The following RFNG variants were observed in gnomAD, a reference collection of about 807,000 sequenced individuals.
RFNG encodes the protein beta-1,3-N-acetylglucosaminyltransferase radical fringe.
RFNG carries 37 observed loss-of-function variants against 29.6 expected under a neutral mutation model. The observed-to-expected ratio is 1.25, with a 90% CI of 0.96 to 1.65. RFNG has a LOEUF of 1.65. RFNG is among the 40% of genes most tolerant of loss of function. RFNG has a pLI of 0.00. For synonymous variants in RFNG, 276 were observed against 197.3 expected (o/e 1.40, Z -3.34); for missense variants, 546 against 457.0 (o/e 1.19, Z -1.78).
rs2030048131 is a variant in RFNG, at chr17:82,048,209, T to C, written c.*517A>G. On this transcript the variant is annotated 3_prime_UTR_variant, in exon 8 of 8. Transcript: ENST00000310496. ...GGGAGCAAAGCTCTGGTCGAGAACA[T>C]GACCTTCCCGGGCCTGAGTCCCACT... 1.2e-5 allele frequency: 2 copies of C among 163,840 alleles called. No homozygotes were observed. Among genetic ancestry groups the C allele is most frequent in the South Asian group, 3.3e-4 (2 of 6,108 alleles). The allele number at this position is 163,840 out of a possible 1,614,324, so 10.1% of individuals were successfully genotyped here.
At position 82,050,693 on chromosome 17, in the gene RFNG, C is replaced by T. The variant is rs756535894; in HGVS notation, c.388G>A (p.Glu130Lys). Residue 130 changes from glutamate (E) to lysine (K), a missense_variant, in exon 3 of 8, where the codon GAG (glutamate) becomes AAG (lysine). By Grantham distance (56) the Glu-to-Lys change is moderately conservative. Coordinates refer to ENST00000310496, the MANE Select transcript of RFNG (RefSeq NM_002917.2). Reference protein sequence around the residue: ...RQALCCKMSVEYDKFIESGRK... With the variant: ...RQALCCKMSVKYDKFIESGRK... ...CCGGACTCAATGAACTTGTCATACTCCACGGACATCTTGCAGCAGAGGGCC... is the reference window on the plus strand; with the variant it reads ...CCGGACTCAATGAACTTGTCATACTTCACGGACATCTTGCAGCAGAGGGCC... The T allele has an allele frequency of 3.7e-6, 6 of 1,613,156 alleles. No individual in the cohort carries two copies. The highest frequency in any genetic ancestry group is 5.1e-6 in the Non-Finnish European group (6 of 1,179,970).
Position 82,051,603 on chromosome 17 carries a change from A to G in RFNG, c.164T>C (p.Leu55Pro), listed in dbSNP as rs1469825762. 14 of 1,232,310 alleles carry G rather than the reference A, an allele frequency of 1.1e-5. No homozygotes were observed. In the South Asian group the frequency reaches 2.5e-4, roughly 22 times the overall value. The allele number at this position is 1,232,310 out of a possible 1,614,324, so 76.3% of individuals were successfully genotyped here. A position where few individuals can be genotyped will look rare whatever the true frequency, so the allele number is the denominator to read the frequency against. Residue 55 changes from leucine (L) to proline (P), a missense_variant, in exon 1 of 8, where the codon CTG (leucine) becomes CCG (proline). Leu to Pro is a moderately conservative substitution (Grantham distance 98). Transcript: ENST00000310496. This position sits in a 1 kb window ranked among gnomAD's most constrained non-coding sequence, Gnocchi z 4.1. ...APPSRPAAPS[L>P]RPDDVFIAVK... ...GGCGATGAAGACGTCGTCAGGCCGC[A>G]GGCTGGGGGCAGCGGGCCGGGACGG...
Position 82,048,525 on chromosome 17 carries a change from T to C in RFNG, c.*201A>G. ...GGCCCTGGCCATCAGCCTGGCTGTC[T>C]TCGTTCTCCCAAAACACCCATCACC... On this transcript the variant is annotated 3_prime_UTR_variant, in exon 8 of 8. Coordinates refer to ENST00000310496, the MANE Select transcript of RFNG (RefSeq NM_002917.2). 1 of 591,652 alleles carries C rather than the reference T, an allele frequency of 1.7e-6. No homozygotes were observed. Among genetic ancestry groups the C allele is most frequent in the Non-Finnish European group, 3.0e-6 (1 of 330,654 alleles). The allele number at this position is 591,652 out of a possible 1,614,324, so 36.7% of individuals were successfully genotyped here.
At position 82,051,786 on chromosome 17, in the gene RFNG, G is replaced by A. The variant is rs1277607281; in HGVS notation, c.-20C>T. ...GCTCATGCGGCCGCCGGGACCCCCG[G>A]CGCTGCGAGCGGAGAACCTGGCCGG... On this transcript the variant is annotated 5_prime_UTR_variant, in exon 1 of 8. Transcript: ENST00000310496. This position sits in a 1 kb window ranked among gnomAD's most constrained non-coding sequence, Gnocchi z 4.1. 2.7e-6 allele frequency: 3 copies of A among 1,118,592 alleles called. No homozygotes were observed. The highest frequency in any genetic ancestry group is 4.3e-5 in the South Asian group (1 of 23,350). 69.3% of individuals were successfully genotyped at this position (1,118,592 alleles called of 1,614,324 possible). A position where few individuals can be genotyped will look rare whatever the true frequency, so the allele number is the denominator to read the frequency against.
At chr17:82,050,121 A>C in intron 4 of RFNG, 115 bp from the exon 5 acceptor site, 2 of 974,824 alleles carry the variant, frequency 2.1e-6, no homozygotes, top group Non-Finnish European at 3.1e-6. Flanking sequence ...CCACCCAGGT[A>C]ACAGAAGCTT....
chr17:82,050,281 G>A, intron 4 of RFNG, 121 bp downstream of exon 4: 1 of 1,204,876 alleles, frequency 8.3e-7, no homozygotes, highest in East Asian at 2.5e-5. Flanking sequence ...CACCTGGGTG[G>A]ATCAGCTTGG....
At position 82,051,192 on chromosome 17, in the gene RFNG, G is replaced by A; in HGVS notation, c.316+102C>T. 1.5e-6 allele frequency: 2 copies of A among 1,308,214 alleles called. No homozygotes were observed. The highest frequency in any genetic ancestry group is 2.6e-5 in the South Asian group (1 of 39,048). 81.0% of individuals were successfully genotyped at this position (1,308,214 alleles called of 1,614,324 possible). On this transcript the variant is annotated intron_variant, in intron 2 of 7. Coordinates refer to ENST00000310496, the MANE Select transcript of RFNG (RefSeq NM_002917.2). The surrounding 1 kb of genome is among the most constrained non-coding windows in gnomAD (Gnocchi z 4.1). ...GGGCCTCCCCGGGCCTCGGGAGCCT[G>A]GGCAGAGAAAGGCACCCACAGCAGC... is the stretch of plus-strand genomic sequence containing the variant.
rs1377801814 is a variant in RFNG, at chr17:82,048,609, T to C, written c.*117A>G. 2 of 792,350 alleles carry C rather than the reference T, an allele frequency of 2.5e-6. No homozygotes were observed. The highest frequency in any genetic ancestry group is 3.4e-5 in the African/African-American group (2 of 58,574). The allele number at this position is 792,350 out of a possible 1,614,324, so 49.1% of individuals were successfully genotyped here. A position where few individuals can be genotyped will look rare whatever the true frequency, so the allele number is the denominator to read the frequency against. On this transcript the variant is annotated 3_prime_UTR_variant, in exon 8 of 8. Transcript: ENST00000310496. ...CAGGCTAGCCAGAGGGTCTGCCAGGTGCCTGCATCTCACTGGTGTGGCCGT... is the reference window on the plus strand; with the variant it reads ...CAGGCTAGCCAGAGGGTCTGCCAGGCGCCTGCATCTCACTGGTGTGGCCGT...
At chr17:82,050,090 T>A in intron 4 of RFNG, 84 bp from the exon 5 acceptor site, 1 of 1,221,248 alleles carries the variant, frequency 8.2e-7, no homozygotes, top group Non-Finnish European at 1.2e-6. Context: ...GCATCTTTCT[T>A]AAGCTGCCCC....
chr17:82,051,132 G>C lies in RFNG; in HGVS notation c.316+162C>G, dbSNP rs2144236799. 5.3e-6 allele frequency: 7 copies of C among 1,321,982 alleles called. No individual in the cohort carries two copies. Among genetic ancestry groups the C allele is most frequent in the Non-Finnish European group, 6.7e-6 (7 of 1,039,578 alleles). 81.9% of individuals were successfully genotyped at this position (1,321,982 alleles called of 1,614,324 possible). On this transcript the variant is annotated intron_variant, in intron 2 of 7. Coordinates refer to ENST00000310496, the MANE Select transcript of RFNG (RefSeq NM_002917.2). This position sits in a 1 kb window ranked among gnomAD's most constrained non-coding sequence, Gnocchi z 4.1. ...GGAGCAGAGCTTGGCTGGCAGGGTG[G>C]GCCCTCCGCAGGCCGCGTGACCTGG... is the stretch of plus-strand genomic sequence containing the variant.
At position 82,050,686 on chromosome 17, in the gene RFNG, T is replaced by G. The variant is rs777028373; in HGVS notation, c.395A>C (p.Asp132Ala). ...ALCCKMSVEY[D>A]KFIESGRKWF... Reference sequence around the variant, plus strand: ...CTTGCGCCCGGACTCAATGAACTTGTCATACTCCACGGACATCTTGCAGCA... The same window carrying G: ...CTTGCGCCCGGACTCAATGAACTTGGCATACTCCACGGACATCTTGCAGCA... The change falls in exon 3 of 8, where the codon GAC (aspartate) becomes GCC (alanine). Residue 132 changes from aspartate to alanine, a missense_variant. Transcript: ENST00000310496. 2.5e-6 allele frequency: 4 copies of G among 1,613,238 alleles called. No individual in the cohort carries two copies. Among genetic ancestry groups the G allele is most frequent in the Non-Finnish European group, 3.4e-6 (4 of 1,179,932 alleles).
At chr17:82,050,326 C>T (rs893830174) in intron 4 of RFNG, 76 bp downstream of exon 4, 92 of 1,476,082 alleles carry the variant, frequency 6.2e-5, no homozygotes, top group Non-Finnish European at 5.7e-5. Flanking sequence ...AGCCAGCTTT[C>T]CACGCCCTCT....
chr17:82,049,502 T>A, intron 6 of RFNG, 175 bp downstream of exon 6: 1 of 775,206 alleles, frequency 1.3e-6, no homozygotes, highest in Non-Finnish European at 2.2e-6. Flanking sequence ...ACCCCATCTG[T>A]ACGTGAGGAC....
chr17:82,049,642 C>A, intron 6 of RFNG, 35 bp downstream of exon 6: 1 of 1,459,968 alleles, frequency 6.8e-7, no homozygotes, highest in Non-Finnish European at 9.0e-7. Context: ...GGGGCAAAGC[C>A]CAGGTGGCAG....
intron 2 of RFNG, 55 bp from the exon 3 acceptor site, chr17:82,050,819 A>T: frequency 6.4e-7 from 1 of 1,569,442 alleles, no homozygotes; most frequent in Non-Finnish European, 8.7e-7. Flanking sequence ...GGGTTGGGGT[A>T]AGGCCTGTGC....
intron 3 of RFNG, 25 bp downstream of exon 3, chr17:82,050,637 T>G: frequency 1.2e-6 from 2 of 1,611,718 alleles, no homozygotes; most frequent in Non-Finnish European, 1.7e-6. Context: ...CTGAGCTCTC[T>G]GCGGGTCGGG....
At chr17:82,049,878 G>A in intron 5 of RFNG, 36 bp from the exon 6 acceptor site, 1 of 1,611,352 alleles carries the variant, frequency 6.2e-7, no homozygotes, top group Middle Eastern at 1.7e-4. Context: ...TCAGGTCTCA[G>A]CCTCCGCCTC....
chr17:82,051,014 G>A lies in RFNG; in HGVS notation c.317-250C>T, dbSNP rs1367926803. On this transcript the variant is annotated intron_variant, in intron 2 of 7. Transcript: ENST00000310496. The surrounding 1 kb of genome is among the most constrained non-coding windows in gnomAD (Gnocchi z 4.1). ...GGACGGAGGCAGCTCGCCCTGACCT[G>A]GCCTGGAAGGGCGGATTCCCTGCTG... 2 of 1,403,482 alleles carry A rather than the reference G, an allele frequency of 1.4e-6. No homozygotes were observed. Among genetic ancestry groups the A allele is most frequent in the African/African-American group, 2.9e-5 (2 of 68,942 alleles). The allele number at this position is 1,403,482 out of a possible 1,614,324, so 86.9% of individuals were successfully genotyped here.
chr17:82,049,584 C>G lies in RFNG; in HGVS notation c.828+93G>C, dbSNP rs749182358. On this transcript the variant is annotated intron_variant, in intron 6 of 7. Coordinates refer to ENST00000310496, the MANE Select transcript of RFNG (RefSeq NM_002917.2). ...CACATGCAAATCCCACCTGCCTGCT[C>G]AGCCGGGCATCGGGCCGGGGCAGTG... 56 of 1,405,560 alleles carry G rather than the reference C, an allele frequency of 4.0e-5. No homozygotes were observed. In the Admixed American group the frequency reaches 1.2e-3, roughly 29 times the overall value. The allele number at this position is 1,405,560 out of a possible 1,614,324, so 87.1% of individuals were successfully genotyped here.
Sources: gnomAD v4.1 joint callset for allele counts on GRCh38, gnomAD v4.1.1 for gene constraint, Gnocchi (gnomAD v3.1) non-coding constraint, MANE v1.5 for transcripts, NCBI Gene and HGNC (gene_info 2026-07-23, HGNC 2026-07-21) for gene names.